MAN2B2: variants seen among roughly 807,000 people sequenced by gnomAD.
MAN2B2 encodes epididymis-specific alpha-mannosidase.
MAN2B2 carries 106 observed loss-of-function variants against 117.1 expected under a neutral mutation model. The ratio of observed to expected loss-of-function variants is 0.90; its 90% CI spans 0.77 to 1.06. The LOEUF (loss-of-function observed/expected upper bound fraction) is 1.06. Among genes scored for constraint, MAN2B2 ranks in the 50% least tolerant of loss-of-function variants. MAN2B2 has a pLI of 0.00. For missense variants in MAN2B2, 1,326 were observed against 1,381.4 expected (o/e 0.96, Z 0.64); for synonymous variants, 544 against 595.1 (o/e 0.91, Z 1.25).
chr4:6,590,442 T>G (rs1726810701), intron 5 of MAN2B2, among the ~76,000 whole-genome samples: 1 of 152,108 alleles, frequency 6.6e-6, no homozygotes, highest in Non-Finnish European at 1.5e-5. Flanking sequence ...CCCAAGAACC[T>G]CCTTCCTGGC....
In MAN2B2 at chr4:6,589,163, A is replaced by G; in HGVS notation, c.680+3A>G. 6.2e-7 allele frequency: 1 copy of G among 1,609,534 alleles called. No homozygotes were observed. The highest frequency in any genetic ancestry group is 8.5e-7 in the Non-Finnish European group (1 of 1,175,758). On this transcript the variant is annotated splice_donor_region_variant and intron_variant, in intron 5 of 18. Transcript: ENST00000285599. ...TCCCACATCCCTTTCTCCAACAGGT[A>G]CGTGCCCTTCCGCAGTGCCTTTGGG... is the stretch of plus-strand genomic sequence containing the variant.
chr4:6,577,912 G>T (rs1449022482), intron 2 of MAN2B2, among the ~76,000 whole-genome samples: 2 of 152,222 alleles, frequency 1.3e-5, no homozygotes, highest in African/African-American at 2.4e-5. Context: ...TTTGTTGAGT[G>T]AATGATCTAC....
rs1294694172 is a variant in MAN2B2, at chr4:6,576,251, A to AGG, written c.139-325_139-324dup. 4.6e-5 allele frequency among the ~76,000 whole-genome samples: 7 copies of AGG among 152,152 alleles called. No individual in the cohort carries two copies. The South Asian group carries it at 6.2e-4, about 14-fold the overall frequency. Reference sequence around the variant, plus strand: ...TGTGCTGCCCCTCAATGGCACACTCAGGGCCCAGCCCCCCAAATTGCACAC... The same window carrying AGG: ...TGTGCTGCCCCTCAATGGCACACTCAGGGGGCCCAGCCCCCCAAATTGCACAC... On this transcript the variant is annotated intron_variant, in intron 1 of 18. Coordinates refer to ENST00000285599, the MANE Select transcript of MAN2B2 (RefSeq NM_015274.3).
intron 15 of MAN2B2, 47 bp from the exon 16 acceptor site, chr4:6,614,171 G>T (rs774594139): frequency 1.3e-6 from 2 of 1,595,836 alleles, no homozygotes; most frequent in Admixed American, 1.7e-5. Flanking sequence ...CCAGGAGGAG[G>T]AGTTGAGCCC....
intron 4 of MAN2B2, among the ~76,000 whole-genome samples, chr4:6,587,935 T>C (rs1199987224): frequency 2.6e-5 from 4 of 152,018 alleles, no homozygotes; most frequent in Non-Finnish European, 5.9e-5. Context: ...TTTTGTGTGT[T>C]TTTTGTAGAG....
chr4:6,611,168 A>G lies in MAN2B2; in HGVS notation c.2453A>G (p.His818Arg), dbSNP rs773940017. 8.7e-6 allele frequency: 14 copies of G among 1,613,800 alleles called. No homozygotes were observed. The highest frequency in any genetic ancestry group is 1.6e-4 in the Middle Eastern group (1 of 6,084). The change falls in exon 15 of 19, where the codon CAC becomes CGC. Residue 818 changes from histidine (H) to arginine (R), a missense_variant. Transcript: ENST00000285599. ...ACGCTGAACGACACCTCAGTCGTCC[A>G]CCCAGTGCTCTGGCTTCTGCTGGGA... ...NLTLNDTSVV[H>R]PVLWLLLGSW...
In MAN2B2 at chr4:6,579,135, C is replaced by T. The variant is rs145859749; in HGVS notation, c.391+637C>T. 6.1e-4 allele frequency among the ~76,000 whole-genome samples: 28 copies of T among 45,888 alleles called. 1 individual carries two copies. The highest frequency in any genetic ancestry group is 2.4e-3 in the East Asian group (2 of 830). The allele number at this position is 45,888 out of a possible 152,430, so 30.1% of individuals were successfully genotyped here. On this transcript the variant is annotated intron_variant, in intron 3 of 18. Transcript: ENST00000285599. ...ATCACCATCACCACTACCACCACCACCACCATCACCACCACCATCACCATC... is the reference window on the plus strand; with the variant it reads ...ATCACCATCACCACTACCACCACCATCACCATCACCACCACCATCACCATC...
chr4:6,612,570 G>A (rs1182214848), intron 15 of MAN2B2, among the ~76,000 whole-genome samples: 1 of 152,272 alleles, frequency 6.6e-6, no homozygotes, highest in Non-Finnish European at 1.5e-5. Flanking sequence ...GAGGCTCACA[G>A]CCATGTCTCC....
chr4:6,617,347 G>A (rs939513965), intron 16 of MAN2B2, 33 bp from the exon 17 acceptor site: 1 of 1,574,586 alleles, frequency 6.4e-7, no homozygotes, highest in Non-Finnish European at 8.7e-7. Flanking sequence ...GTTGATGAGG[G>A]TCTTCACTGC....
chr4:6,582,627 A>G (rs912877746), intron 3 of MAN2B2, among the ~76,000 whole-genome samples: 42 of 152,060 alleles, frequency 2.8e-4, no homozygotes, highest in African/African-American at 9.9e-4. Flanking sequence ...GACCTGAGCC[A>G]CCAAGCCCGG....
intron 10 of MAN2B2, among the ~76,000 whole-genome samples, chr4:6,604,628 T>C (rs1727464225): frequency 6.6e-6 from 1 of 151,480 alleles, no homozygotes; most frequent in Non-Finnish European, 1.5e-5. Flanking sequence ...TTGGGTGGGA[T>C]GGGGTAGCTG....
intron 3 of MAN2B2, among the ~76,000 whole-genome samples, chr4:6,582,400 G>A (rs1238094845): frequency 9.2e-5 from 14 of 152,068 alleles, no homozygotes; most frequent in Non-Finnish European, 1.2e-4. Flanking sequence ...GTGCAGTGGC[G>A]CAATCTCGGC....
chr4:6,594,007 G>A (rs898708021), intron 6 of MAN2B2, among the ~76,000 whole-genome samples: 5 of 152,166 alleles, frequency 3.3e-5, no homozygotes, highest in Non-Finnish European at 7.4e-5. Context: ...TTCTTCATCC[G>A]TGACTGCCCT....
At chr4:6,579,347 C>G (rs1341323415) in intron 3 of MAN2B2, among the ~76,000 whole-genome samples, 1 of 121,484 alleles carries the variant, frequency 8.2e-6, no homozygotes, top group Non-Finnish European at 1.8e-5. Flanking sequence ...CCACCATCAC[C>G]ATCACCACCA....
rs560140409 is a variant in MAN2B2, at chr4:6,587,060, G to A, written c.456G>A (p.Pro152=). The A allele has an allele frequency of 5.6e-5, 91 of 1,614,062 alleles. 1 individual carries two copies. The East Asian group carries it at 1.3e-3, about 23-fold the overall frequency. Residue 152 remains proline (P), a synonymous_variant, in exon 4 of 19, where the codon CCG becomes CCA. Transcript: ENST00000285599. ...IRPQFSWHVD[P]FGASATTPTL... ...CACAGTTCTCCTGGCACGTTGACCC[G>A]TTTGGCGCCTCTGCCACGACGCCCA... is the stretch of plus-strand genomic sequence containing the variant.
At chr4:6,588,681 CTCCTGGGTGACAGAG>C (rs1726739255) in intron 4 of MAN2B2, among the ~76,000 whole-genome samples, 1 of 152,092 alleles carries the variant, frequency 6.6e-6, no homozygotes, top group African/African-American at 2.4e-5. Context: ...TGACACTGCA[CTCCTGGGTGACAGAG>C]TGAGACTCTG....
rs1560104605 is a variant in MAN2B2 at position 6,619,917 on chromosome 4, CT to C, written c.2815-9del. On this transcript the variant is annotated splice_polypyrimidine_tract_variant and intron_variant, in intron 17 of 18. Transcript: ENST00000285599. ...TGCAGCTCACTCTCCCTCTGCTCCT[CT>C]CCCTGCAGGCTGTGCTGCAGGCGCT... 6.2e-7 allele frequency: 1 copy of C among 1,611,660 alleles called. No individual in the cohort carries two copies. Among genetic ancestry groups the C allele is most frequent in the South Asian group, 1.1e-5 (1 of 90,978 alleles).
At chr4:6,581,224 G>A (rs1003798191) in intron 3 of MAN2B2, among the ~76,000 whole-genome samples, 2 of 152,106 alleles carry the variant, frequency 1.3e-5, no homozygotes, top group African/African-American at 4.8e-5. Context: ...TAGCCCGGCC[G>A]AGTCAGGAAG....
chr4:6,618,941 T>C (rs943206007), intron 17 of MAN2B2: 1 of 152,130 alleles, frequency 6.6e-6, no homozygotes, highest in African/African-American at 2.4e-5. Flanking sequence ...CGGGTACCAG[T>C]GCCCAGCACA....
Sources: allele counts gnomAD v4.1 joint callset (sites outside exome capture counted in the v4.1 genomes callset), GRCh38; gene constraint gnomAD v4.1.1; transcripts MANE v1.5; gene names NCBI Gene and HGNC (gene_info 2026-07-23, HGNC 2026-07-21).